CDH13: variants seen among roughly 807,000 people sequenced by gnomAD.
CDH13 encodes the protein cadherin 13.
Under a neutral mutation model 63.8 loss-of-function variants are expected in CDH13, and 24 were observed. That is an observed-to-expected ratio of 0.38 (90% confidence interval 0.27 to 0.53). The LOEUF (loss-of-function observed/expected upper bound fraction) is 0.53, where lower values mean the gene tolerates loss of function less well. Ranked by LOEUF, CDH13 falls within the 20% of genes least tolerant of loss-of-function variation. The probability of loss-of-function intolerance (pLI) is 0.85; values close to 1 mark genes in which losing one functional copy is unlikely to be tolerated. For missense variants in CDH13, 1,049 were observed against 903.1 expected, an observed-to-expected ratio of 1.16 and a Z score of -2.07; for synonymous variants, 503 against 355.3, an observed-to-expected ratio of 1.42 and a Z score of -4.67.
intron 7 of CDH13, among the ~76,000 whole-genome samples, chr16:83,492,060 T>A (rs986031224): frequency 6.6e-6 from 1 of 152,188 alleles, no homozygotes; most frequent in Non-Finnish European, 1.5e-5. Flanking sequence ...CGAATTTGGA[T>A]GTGTAGCTGC....
intron 1 of CDH13, among the ~76,000 whole-genome samples, chr16:82,683,397 G>C (rs1375028060): frequency 6.6e-6 from 1 of 152,176 alleles, no homozygotes; most frequent in Non-Finnish European, 1.5e-5. Flanking sequence ...TCTTGGTGCT[G>C]CAAAGTGGCC....
At chr16:82,872,221 A>T (rs1254649662) in intron 2 of CDH13, among the ~76,000 whole-genome samples, 5 of 152,202 alleles carry the variant, frequency 3.3e-5, no homozygotes, top group Admixed American at 2.0e-4. Context: ...AATGTTTTTT[A>T]GGTGGCAGGG....
At chr16:83,010,099 C>G (rs910461997) in intron 2 of CDH13, among the ~76,000 whole-genome samples, 34 of 135,298 alleles carry the variant, frequency 2.5e-4, no homozygotes, top group African/African-American at 5.1e-4. Flanking sequence ...CACACCATTG[C>G]ACTCCAGGCT....
At chr16:82,877,073 C>T (rs2040530784) in intron 2 of CDH13, among the ~76,000 whole-genome samples, 1 of 152,178 alleles carries the variant, frequency 6.6e-6, no homozygotes, top group South Asian at 2.1e-4. Flanking sequence ...CAAATACTAC[C>T]TTAACAGAAT....
At chr16:83,270,899 C>CCTCA (rs2088784566) in intron 5 of CDH13, among the ~76,000 whole-genome samples, 2 of 149,856 alleles carry the variant, frequency 1.3e-5, no homozygotes, top group African/African-American at 4.9e-5. Flanking sequence ...TCCCTTCCTC[C>CCTCA]CTCCTTTCCT....
chr16:83,593,944 T>G (rs1190403763), intron 7 of CDH13, among the ~76,000 whole-genome samples: 1 of 152,172 alleles, frequency 6.6e-6, no homozygotes, highest in Non-Finnish European at 1.5e-5. Context: ...GTCTCAAAAC[T>G]TAGTGACTTG....
At chr16:83,134,794 A>C (rs554799618) in intron 4 of CDH13, among the ~76,000 whole-genome samples, 1 of 152,340 alleles carries the variant, frequency 6.6e-6, no homozygotes, top group South Asian at 2.1e-4. Context: ...ATGACAAAAC[A>C]TAATCGGGTG....
At chr16:82,864,431 C>T (rs574942248) in intron 2 of CDH13, among the ~76,000 whole-genome samples, 3 of 152,104 alleles carry the variant, frequency 2.0e-5, no homozygotes, top group East Asian at 3.9e-4. Flanking sequence ...GAGGGGTGGC[C>T]TCGGGAAGCT....
chr16:83,146,874 GGTCA>G (rs2036773319), intron 4 of CDH13, among the ~76,000 whole-genome samples: 1 of 152,206 alleles, frequency 6.6e-6, no homozygotes, highest in Admixed American at 6.5e-5. Flanking sequence ...GATTCCTTGA[GGTCA>G]GGAGTTCGAA....
intron 1 of CDH13, among the ~76,000 whole-genome samples, chr16:82,728,850 C>T (rs751943049): frequency 1.3e-5 from 2 of 152,178 alleles, no homozygotes; most frequent in Non-Finnish European, 2.9e-5. Context: ...GGAGTCTACC[C>T]TCTCAAGCCC....
chr16:82,693,152 C>G (rs918433347), intron 1 of CDH13, among the ~76,000 whole-genome samples: 8 of 152,170 alleles, frequency 5.3e-5, no homozygotes, highest in Admixed American at 5.2e-4. Flanking sequence ...GTTATCATGC[C>G]ATGGACTTTG....
At chr16:83,508,147 G>GAA (rs2074464198) in intron 7 of CDH13, among the ~76,000 whole-genome samples, 1 of 124,656 alleles carries the variant, frequency 8.0e-6, no homozygotes, top group Non-Finnish European at 1.7e-5. Context: ...AAGGGGAGGG[G>GAA]AGGGGAGGCG....
intron 8 of CDH13, among the ~76,000 whole-genome samples, chr16:83,646,700 AAAAAAAAAAAAAACACAC>A (rs760725623): frequency 3.7e-5 from 3 of 80,028 alleles, no homozygotes; most frequent in Non-Finnish European, 6.6e-5. Context: ...CTCAAAAAAA[AAAAAAAAAAAAAACACAC>A]ACACACACAC....
chr16:83,265,727 C>CT (rs71272416), intron 5 of CDH13, among the ~76,000 whole-genome samples: 16,327 of 41,970 alleles, frequency 0.39, 6,328 homozygotes, highest in African/African-American at 0.45. Flanking sequence ...TAAATTTCTG[C>CT]TTTTTTTTTT....
chr16:83,194,647 T>C (rs1320255873), intron 4 of CDH13, among the ~76,000 whole-genome samples: 1 of 152,228 alleles, frequency 6.6e-6, no homozygotes, highest in African/African-American at 2.4e-5. Flanking sequence ...ACGACTTAAC[T>C]AAATCTTTTT....
intron 1 of CDH13, among the ~76,000 whole-genome samples, chr16:82,844,206 A>C (rs1426314696): frequency 6.6e-6 from 1 of 152,162 alleles, no homozygotes; most frequent in East Asian, 1.9e-4. Flanking sequence ...AGAGACAGAG[A>C]AAAACAGGTG....
chr16:83,070,282 C>G (rs936087393), intron 3 of CDH13, among the ~76,000 whole-genome samples: 2 of 152,316 alleles, frequency 1.3e-5, no homozygotes, highest in Non-Finnish European at 2.9e-5. Context: ...CCACTATCAA[C>G]TTGATACTGA....
intron 3 of CDH13, among the ~76,000 whole-genome samples, chr16:83,082,015 G>T (rs1041837123): frequency 1.3e-5 from 2 of 152,008 alleles, no homozygotes. Context: ...GGTCAGGCTG[G>T]TCTCGAACTC....
At chr16:83,165,285 G>T (rs545428804) in intron 4 of CDH13, among the ~76,000 whole-genome samples, 2 of 152,052 alleles carry the variant, frequency 1.3e-5, no homozygotes, top group Non-Finnish European at 2.9e-5. Context: ...GATTCTGTTG[G>T]CAAAAACAAT....
Sources: allele counts gnomAD v4.1 joint callset (sites outside exome capture counted in the v4.1 genomes callset), GRCh38; gene constraint gnomAD v4.1.1; transcripts MANE v1.5; gene names NCBI Gene and HGNC (gene_info 2026-07-23, HGNC 2026-07-21).